Variants in F5 observed in about 807,000 individuals in gnomAD.
F5 encodes the protein coagulation factor V, also known as activated protein c cofactor.
F5 carries 138 observed loss-of-function variants against 216.4 expected under a neutral mutation model. That is an observed-to-expected ratio of 0.64 (90% CI 0.56 to 0.73). The LOEUF is 0.73. Ranked by LOEUF, F5 falls within the 30% of genes least tolerant of loss-of-function variation. The pLI is 0.00. For synonymous variants in F5, 916 were observed against 930.7 expected (o/e 0.98, Z 0.29); for missense variants, 2,403 against 2,674.0 (o/e 0.90, Z 2.24).
intron 8 of F5, among the ~76,000 whole-genome samples, 156 bp from the exon 9 acceptor site, chr1:169,550,895 C>T (rs1380655859): frequency 1.3e-5 from 2 of 152,166 alleles, no homozygotes; most frequent in Non-Finnish European, 2.9e-5. Flanking sequence ...GCAGTAACCT[C>T]CCCTCATCAC....
chr1:169,522,715 T>C (rs955097246), intron 21 of F5, among the ~76,000 whole-genome samples: 3 of 152,160 alleles, frequency 2.0e-5, no homozygotes, highest in Admixed American at 6.5e-5. Flanking sequence ...AAGGAGAATG[T>C]CATTCCTCAG....
Position 169,555,187 on chromosome 1 carries a change from C to T in F5, c.1113G>A (p.Met371Ile). ...TATGAACCCCAACAACTCACTTGTC[C>T]ATATTCGCTGGTATTACAGGTGCAT... ...WDYAPVIPAN[M>I]DKKYRSQHLD... Residue 371 changes from methionine (M) to isoleucine (I), a missense_variant, in exon 7 of 25, where the codon ATG (methionine) becomes ATA (isoleucine). Around this residue, in one of 4 missense-constraint regions of F5, gnomAD observed 1,425 missense variants for 1,554.8 expected, o/e 0.92. Transcript: ENST00000367797. 6.2e-7 allele frequency: 1 copy of T among 1,614,066 alleles called. No individual in the cohort carries two copies. Among genetic ancestry groups the T allele is most frequent in the Non-Finnish European group, 8.5e-7 (1 of 1,179,968 alleles).
chr1:169,572,368 T>C (rs1413434105), intron 2 of F5, 25 bp from the exon 3 acceptor site: 3 of 1,611,782 alleles, frequency 1.9e-6, no homozygotes, highest in South Asian at 1.1e-5. Flanking sequence ...ATTTAAACTA[T>C]GTCTGTATTC....
intron 22 of F5, 118 bp from the exon 23 acceptor site, chr1:169,518,681 C>A (rs1022093712): frequency 8.9e-7 from 1 of 1,126,416 alleles, no homozygotes; most frequent in Non-Finnish European, 1.3e-6. Flanking sequence ...ACAATAACCA[C>A]AACAATGAAG....
chr1:169,539,552 G>A (rs1174177297), intron 13 of F5, among the ~76,000 whole-genome samples: 1 of 152,206 alleles, frequency 6.6e-6, no homozygotes, highest in Non-Finnish European at 1.5e-5. Context: ...ATGTGGAGAT[G>A]TCAGGCATCA....
chr1:169,530,657 A>T, intron 15 of F5, 129 bp downstream of exon 15: 1 of 831,408 alleles, frequency 1.2e-6, no homozygotes, highest in Non-Finnish European at 2.1e-6. Context: ...ACTGTTAACC[A>T]CACCCTTATG....
intron 10 of F5, among the ~76,000 whole-genome samples, chr1:169,549,122 C>A (rs1660094793): frequency 6.6e-6 from 1 of 152,142 alleles, no homozygotes; most frequent in African/African-American, 2.4e-5. Flanking sequence ...TTTTTCTAGG[C>A]ATATGTTTAT....
Position 169,542,465 on chromosome 1 carries a change from T to G in F5, c.2625A>C (p.Ala875=), listed in dbSNP as rs750515565. ...TCATCCAGGAGAACCTGTGCTTTGC[T>G]GCTTGATCTCTTTCTACCTTGGGTC... ...HKGPKVERDQ[A]AKHRFSWMKL... The change falls in exon 13 of 25, where the codon GCA becomes GCC. Residue 875 remains alanine (A), a synonymous_variant. Transcript: ENST00000367797. The G allele has an allele frequency of 6.2e-7, 1 of 1,614,148 alleles. No homozygotes were observed. The highest frequency in any genetic ancestry group is 8.5e-7 in the Non-Finnish European group (1 of 1,180,008).
chr1:169,535,591 C>T (rs4656187), intron 14 of F5, among the ~76,000 whole-genome samples: 37,319 of 151,994 alleles, frequency 0.25, 4,780 homozygotes, highest in Admixed American at 0.34. Context: ...TTCGCATACC[C>T]GCAGTTTATC....
In F5 at chr1:169,530,872, AGG is replaced by A. The variant is rs779490602; in HGVS notation, c.5120_5121del (p.Thr1707IlefsTer7). ...GATCGCTCAGTGGCATGCCATACGT[AGG>A]TATAACTGCTATTTGGCTGAACAGC... Reference protein sequence around the residue: ...DNAVQPNSSYTYVWHATERSG... With the variant: ...DNAVQPNSSYXYVWHATERSG... On this transcript the variant is annotated frameshift_variant, in exon 15 of 25. Coordinates refer to ENST00000367797, the MANE Select transcript of F5 (RefSeq NM_000130.5). LOFTEE classifies it high-confidence loss of function. 1.2e-6 allele frequency: 2 copies of A among 1,613,988 alleles called. No homozygotes were observed. Among genetic ancestry groups the A allele is most frequent in the Non-Finnish European group, 1.7e-6 (2 of 1,179,872 alleles).
chr1:169,518,485 C>G lies in F5; in HGVS notation c.6272G>C (p.Trp2091Ser). The G allele has an allele frequency of 6.2e-7, 1 of 1,613,826 alleles. No homozygotes were observed. The highest frequency in any genetic ancestry group is 8.5e-7 in the Non-Finnish European group (1 of 1,179,854). The change falls in exon 23 of 25, where the codon TGG becomes TCG. Residue 2091 changes from tryptophan to serine, a missense_variant. Coordinates refer to ENST00000367797, the MANE Select transcript of F5 (RefSeq NM_000130.5). ...QITASSFKKS[W>S]WGDYWEPFRA... ...GAAGGGTTCCCAGTAATCTCCCCAC[C>G]AAGATTTCTTAAACGAAGAAGCTGT... is the stretch of plus-strand genomic sequence containing the variant.
At position 169,530,935 on chromosome 1, in the gene F5, C is replaced by G. The variant is rs201556325; in HGVS notation, c.5059G>C (p.Glu1687Gln). 1 of 1,613,756 alleles carries G rather than the reference C, an allele frequency of 6.2e-7. No homozygotes were observed. The highest frequency in any genetic ancestry group is 8.5e-7 in the Non-Finnish European group (1 of 1,179,840). The change falls in exon 15 of 25, where the codon GAA becomes CAA. Residue 1687 changes from glutamate (E) to glutamine (Q), a missense_variant. Glu to Gln is a conservative substitution (Grantham distance 29). Transcript: ENST00000367797. ...TTAAACCATTCAGGAGAGTCATCTT[C>G]ATAAGTCTTTCCCTCTGATGATTTT... ...YEKSSEGKTY[E>Q]DDSPEWFKED...
Position 169,514,061 on chromosome 1 carries a change from C to A in F5, c.*252G>T. 6.4e-6 allele frequency: 3 copies of A among 466,758 alleles called. No homozygotes were observed. Among genetic ancestry groups the A allele is most frequent in the South Asian group, 2.8e-5 (1 of 35,598 alleles). 28.9% of individuals were successfully genotyped at this position (466,758 alleles called of 1,614,324 possible). A position where few individuals can be genotyped will look rare whatever the true frequency, so the allele number is the denominator to read the frequency against. ...TTTTCAATCATTAAGAAAGATAAGCCCTTTTCTTGTTGGTTCTTGATATTT... is the reference window on the plus strand; with the variant it reads ...TTTTCAATCATTAAGAAAGATAAGCACTTTTCTTGTTGGTTCTTGATATTT... On this transcript the variant is annotated 3_prime_UTR_variant, in exon 25 of 25. Transcript: ENST00000367797.
chr1:169,519,179 A>G lies in F5; in HGVS notation c.6194-616T>C, dbSNP rs148935678. Among the ~76,000 whole-genome samples the G allele has an allele frequency of 2.3e-3, 351 of 152,280 alleles. 10 individuals are homozygous for G. The highest frequency in any genetic ancestry group is 5.7e-4 in the Non-Finnish European group (39 of 68,022). ...TGGCTGACCACCCATCATCTCTGTG[A>G]CACTTTGTTCTTGTTGGTAAATCAT... On this transcript the variant is annotated intron_variant, in intron 22 of 24. Transcript: ENST00000367797.
Position 169,550,672 on chromosome 1 carries a change from T to C in F5, c.1364A>G (p.Tyr455Cys), listed in dbSNP as rs891039967. 1.2e-6 allele frequency: 2 copies of C among 1,614,032 alleles called. No individual in the cohort carries two copies. Among genetic ancestry groups the C allele is most frequent in the South Asian group, 2.2e-5 (2 of 91,080 alleles). ...GAAAGAAGAGTTGACTTCATCTTCA[T>C]AAGGCGAGAAGGTCACTCCATGAGG... ...IYPHGVTFSP[Y>C]EDEVNSSFTS... The change falls in exon 9 of 25, where the codon TAT becomes TGT. Residue 455 changes from tyrosine (Y) to cysteine (C), a missense_variant. Tyr to Cys is a radical substitution (Grantham distance 194). Coordinates refer to ENST00000367797, the MANE Select transcript of F5 (RefSeq NM_000130.5).
intron 22 of F5, among the ~76,000 whole-genome samples, chr1:169,519,499 A>G (rs1659234161): frequency 1.3e-5 from 2 of 152,186 alleles, no homozygotes; most frequent in South Asian, 4.1e-4. Flanking sequence ...TCTGTGTTTT[A>G]TTTGGGAGAT....
At chr1:169,531,049 T>C in intron 14 of F5, 27 bp from the exon 15 acceptor site, 2 of 1,555,256 alleles carry the variant, frequency 1.3e-6, no homozygotes, top group Non-Finnish European at 1.8e-6. Flanking sequence ...TCCACAAATG[T>C]ACTTAAGCTT....
chr1:169,563,742 T>C (rs947593242), intron 3 of F5, among the ~76,000 whole-genome samples: 6 of 152,086 alleles, frequency 3.9e-5, no homozygotes, highest in African/African-American at 1.4e-4. Flanking sequence ...GTTCTGTGTA[T>C]GCATATTTAT....
intron 3 of F5, among the ~76,000 whole-genome samples, chr1:169,565,418 G>C (rs1322934899): frequency 6.6e-6 from 1 of 152,092 alleles, no homozygotes; most frequent in Non-Finnish European, 1.5e-5. Flanking sequence ...ACCTAGAGAA[G>C]CATGGAACAT....
Sources: allele counts gnomAD v4.1 joint callset (sites outside exome capture counted in the v4.1 genomes callset), GRCh38; gene constraint gnomAD v4.1.1; regional missense constraint gnomAD v4.1.1; transcripts MANE v1.5; gene names NCBI Gene and HGNC (gene_info 2026-07-23, HGNC 2026-07-21).